The following REPS2 variants were observed in gnomAD, a reference collection of about 807,000 sequenced individuals.
REPS2 encodes RALBP1 associated Eps domain containing 2.
A neutral mutation model predicts 53.6 loss-of-function variants in REPS2; 23 were observed. The ratio of observed to expected loss-of-function variants is 0.43; its 90% CI spans 0.31 to 0.61. The LOEUF is 0.61. REPS2 is among the 20% of genes least tolerant of loss of function. The pLI is 0.11. For missense variants in REPS2, 446 were observed against 534.9 expected (o/e 0.83, Z 1.64); for synonymous variants, 238 against 218.6 (o/e 1.09, Z -0.78).
At chrX:17,067,315 A>G (rs979369736) in intron 9 of REPS2, among the ~76,000 whole-genome samples, 2 of 111,840 alleles carry the variant, frequency 1.8e-5, no homozygotes, top group African/African-American at 6.5e-5. Context: ...GACAAAAAAT[A>G]TATATTTATG....
At chrX:17,194,694 T>C in the REPS2 span, among the ~76,000 whole-genome samples, 1 of 111,682 alleles carries the variant, frequency 9.0e-6, no homozygotes, top group South Asian at 3.7e-4. Context: ...CCTACACACG[T>C]GCTCAAATTG....
intron 5 of REPS2, among the ~76,000 whole-genome samples, chrX:17,046,609 G>A (rs2061911216): frequency 8.9e-6 from 1 of 112,064 alleles, no homozygotes; most frequent in Non-Finnish European, 1.9e-5. Flanking sequence ...ATTTCCCTTC[G>A]TCTGCCAATG....
chrX:17,141,142 A>G (rs2063441462), intron 17 of REPS2, among the ~76,000 whole-genome samples: 1 of 111,875 alleles, frequency 8.9e-6, no homozygotes, highest in South Asian at 3.7e-4. Context: ...AAACCCCCAA[A>G]AAGATAGAGA....
At chrX:17,079,147 G>A (rs753450123) in intron 13 of REPS2, among the ~76,000 whole-genome samples, 1 of 112,209 alleles carries the variant, frequency 8.9e-6, no homozygotes, top group Admixed American at 9.4e-5. Flanking sequence ...GCACTAAAAA[G>A]TTTAGGGTTT....
chrX:17,021,948 A>G (rs776572138), intron 2 of REPS2, among the ~76,000 whole-genome samples, 175 bp from the exon 3 acceptor site: 2 of 112,473 alleles, frequency 1.8e-5, no homozygotes, highest in African/African-American at 3.2e-5. Context: ...AAACCATAGC[A>G]TTTTAAAAAT....
chrX:17,110,838 A>AC (rs1294771793), intron 14 of REPS2, among the ~76,000 whole-genome samples: 1 of 111,009 alleles, frequency 9.0e-6, no homozygotes, highest in Non-Finnish European at 1.9e-5. Context: ...ACATGGTGAA[A>AC]CCCCATCTCT....
At chrX:17,009,734 A>G (rs768210364) in intron 2 of REPS2, among the ~76,000 whole-genome samples, 1 of 111,546 alleles carries the variant, frequency 9.0e-6, no homozygotes, top group Non-Finnish European at 1.9e-5. Flanking sequence ...TACTTTTGAA[A>G]GTGTGATCTT....
intron 10 of REPS2, 66 bp from the exon 11 acceptor site, chrX:17,069,873 AT>A (rs2062279907): frequency 1.5e-6 from 1 of 669,484 alleles, no homozygotes; most frequent in East Asian, 4.0e-5. Flanking sequence ...CAGAAATAAC[AT>A]TTTATAGTTT....
At chrX:17,064,758 C>T (rs2062204340) in intron 9 of REPS2, among the ~76,000 whole-genome samples, 1 of 111,923 alleles carries the variant, frequency 8.9e-6, no homozygotes, top group African/African-American at 3.2e-5. Context: ...AAGAGAAACC[C>T]AATACTCATG....
At chrX:17,140,242 ATAT>A (rs986632352) in intron 17 of REPS2, among the ~76,000 whole-genome samples, 4 of 111,023 alleles carry the variant, frequency 3.6e-5, no homozygotes, top group Non-Finnish European at 5.7e-5. Flanking sequence ...GGCTGTTTTA[ATAT>A]TATTATTTTT....
intron 4 of REPS2, 126 bp downstream of exon 4, chrX:17,025,311 T>G: frequency 1.4e-6 from 1 of 727,938 alleles, no homozygotes; most frequent in South Asian, 3.9e-5. Context: ...GAAACATGGC[T>G]CAATTTAATT....
chrX:17,167,552 T>G, the REPS2 span, among the ~76,000 whole-genome samples: 2 of 108,466 alleles, frequency 1.8e-5, no homozygotes, highest in Non-Finnish European at 3.8e-5. Context: ...CTTTATGGTA[T>G]GTATGTGTGG....
At chrX:17,023,273 C>G (rs911491958) in intron 3 of REPS2, among the ~76,000 whole-genome samples, 2 of 111,162 alleles carry the variant, frequency 1.8e-5, no homozygotes, top group Non-Finnish European at 1.9e-5. Flanking sequence ...ACTAGAAATA[C>G]AAAAATTAGC....
Position 17,029,517 on chromosome X carries a change from C to T in REPS2, c.674-9C>T, listed in dbSNP as rs768497147. 4.2e-6 allele frequency: 5 copies of T among 1,179,164 alleles called. No individual in the cohort carries two copies. In the East Asian group the frequency reaches 1.5e-4, roughly 35 times the overall value. ...CATACCATACTGACTTTCCTTTCTG[C>T]TGTTTCAGCACCTTATGAAGCTAGG... On this transcript the variant is annotated splice_polypyrimidine_tract_variant and intron_variant, in intron 4 of 17. Transcript: ENST00000357277.
the REPS2 span, among the ~76,000 whole-genome samples, chrX:17,173,442 A>T: frequency 1.8e-5 from 2 of 112,503 alleles, no homozygotes; most frequent in South Asian, 7.3e-4. Flanking sequence ...AGTTCATAAC[A>T]TGGTGGTTTG....
the REPS2 span, among the ~76,000 whole-genome samples, chrX:17,163,584 C>A: frequency 0.14 from 15,846 of 111,218 alleles, 844 homozygotes; most frequent in Admixed American, 0.19. Context: ...TTGAAAGTAG[C>A]AAAAGCTCAT....
chrX:17,109,484 T>C (rs1385431953), intron 14 of REPS2, among the ~76,000 whole-genome samples: 3 of 111,156 alleles, frequency 2.7e-5, no homozygotes, highest in Non-Finnish European at 5.7e-5. Context: ...TGAAAGGGGT[T>C]CTGGAGTTGG....
At chrX:17,011,666 A>T (rs1258251671) in intron 2 of REPS2, among the ~76,000 whole-genome samples, 1 of 112,560 alleles carries the variant, frequency 8.9e-6, no homozygotes, top group Non-Finnish European at 1.9e-5. Context: ...CTGTAATCCC[A>T]GCACTTTGGG....
the REPS2 span, among the ~76,000 whole-genome samples, chrX:17,182,175 TATCTATCTATCTATC>T: frequency 9.1e-6 from 1 of 110,153 alleles, no homozygotes; most frequent in Non-Finnish European, 1.9e-5. Flanking sequence ...TCTATCTATC[TATCTATCTATCTATC>T]ATCTATCTAT....
Sources: gnomAD v4.1 joint callset for allele counts (sites outside exome capture counted in the v4.1 genomes callset) on GRCh38, gnomAD v4.1.1 for gene constraint, MANE v1.5 for transcripts, NCBI Gene and HGNC (gene_info 2026-07-23, HGNC 2026-07-21) for gene names.